Variants in DMRT2 observed in about 807,000 individuals in gnomAD.
The protein encoded by DMRT2 is doublesex- and mab-3-related transcription factor 2.
A neutral mutation model predicts 43.5 loss-of-function variants in DMRT2; 33 were observed. The observed-to-expected ratio is 0.76, with a 90% CI of 0.58 to 1.01. DMRT2 has a LOEUF of 1.01. Among genes scored for constraint, DMRT2 ranks in the 50% least tolerant of loss-of-function variants. The pLI is 0.00. For missense variants in DMRT2, 1,064 were observed against 748.0 expected (o/e 1.42, Z -4.93); for synonymous variants, 395 against 309.2 (o/e 1.28, Z -2.91).
chr9:1,053,271 C>T (rs1586734633), intron 2 of DMRT2, among the ~76,000 whole-genome samples: 1 of 152,134 alleles, frequency 6.6e-6, no homozygotes, highest in African/African-American at 2.4e-5. Context: ...GCCTGCCCTG[C>T]CACAGGGAGA....
Position 1,057,470 on chromosome 9 carries a change from C to A in DMRT2, c.*197C>A. ...ATTTAAACTTACAGATGGAAATTGC[C>A]CAATGTGCAAATTGTTAAGTACCAC... On this transcript the variant is annotated 3_prime_UTR_variant, in exon 4 of 4. Transcript: ENST00000358146. 1 of 596,360 alleles carries A rather than the reference C, an allele frequency of 1.7e-6. No individual in the cohort carries two copies. Among genetic ancestry groups the A allele is most frequent in the Non-Finnish European group, 2.8e-6 (1 of 358,384 alleles). The allele number at this position is 596,360 out of a possible 1,614,324, so 36.9% of individuals were successfully genotyped here.
rs760360224 is a variant in DMRT2, at chr9:1,056,567, G to C, written c.980G>C (p.Ser327Thr). ...ATGGAACTAATTTCTTCTAATGTCA[G>C]CGTGGCCACAACTTATAGACAGTAT... The part of the protein sequence containing the change: ...GNMELISSNV[S>T]VATTYRQYPL... The change falls in exon 4 of 4, where the codon AGC (serine) becomes ACC (threonine). Residue 327 changes from serine to threonine, a missense_variant. Coordinates refer to ENST00000358146, the MANE Select transcript of DMRT2 (RefSeq NM_181872.6). The C allele has an allele frequency of 1.9e-6, 3 of 1,614,190 alleles. No homozygotes were observed. The highest frequency in any genetic ancestry group is 4.5e-5 in the East Asian group (2 of 44,878).
chr9:1,057,245 C>A lies in DMRT2; in HGVS notation c.1658C>A (p.Ser553Ter). The change falls in exon 4 of 4, where the codon TCA (serine) becomes TAA (stop). Residue 553 changes from serine to a stop codon, truncating the protein, a stop_gained. Coordinates refer to ENST00000358146, the MANE Select transcript of DMRT2 (RefSeq NM_181872.6). LOFTEE classifies it high-confidence loss of function. ...FSVESILKRP[S>*]SAITRVSQ ...GTTGAGTCTATTCTTAAGAGGCCTT[C>A]ATCTGCCATCACTCGTGTCTCTCAG... 1 of 1,612,280 alleles carries A rather than the reference C, an allele frequency of 6.2e-7. No homozygotes were observed. Among genetic ancestry groups the A allele is most frequent in the Non-Finnish European group, 8.5e-7 (1 of 1,179,302 alleles).
Position 1,051,661 on chromosome 9 carries a change from T to A in DMRT2, c.48T>A (p.Asp16Glu). ...CCGCGGCCGGGGACTGGGAGATCGA[T>A]GTCGAGAGCCTGGAGCTGGAAGAGG... The part of the protein sequence containing the change: ...AGSAAGDWEI[D>E]VESLELEEDV... The change falls in exon 2 of 4, where the codon GAT becomes GAA. Residue 16 changes from aspartate (D) to glutamate (E), a missense_variant. Transcript: ENST00000358146. This position sits in a 1 kb window ranked among gnomAD's most constrained non-coding sequence, Gnocchi z 5.9. The A allele has an allele frequency of 6.4e-7, 1 of 1,571,054 alleles. No homozygotes were observed.
chr9:1,057,502 C>T lies in DMRT2; in HGVS notation c.*229C>T, dbSNP rs1822090050. The T allele has an allele frequency of 4.2e-6, 2 of 470,718 alleles. No homozygotes were observed. Among genetic ancestry groups the T allele is most frequent in the East Asian group, 6.8e-5 (2 of 29,302 alleles). 29.2% of individuals were successfully genotyped at this position (470,718 alleles called of 1,614,324 possible). A position where few individuals can be genotyped will look rare whatever the true frequency, so the allele number is the denominator to read the frequency against. ...GCAAATTGTTAAGTACCACACTTTACACAGCATTTCAAAAAGCAATAAAAT... is the reference window on the plus strand; with the variant it reads ...GCAAATTGTTAAGTACCACACTTTATACAGCATTTCAAAAAGCAATAAAAT... On this transcript the variant is annotated 3_prime_UTR_variant, in exon 4 of 4. Coordinates refer to ENST00000358146, the MANE Select transcript of DMRT2 (RefSeq NM_181872.6).
chr9:1,054,987 T>A (rs1191190069), intron 3 of DMRT2, among the ~76,000 whole-genome samples: 2 of 152,230 alleles, frequency 1.3e-5, no homozygotes, highest in Non-Finnish European at 2.9e-5. Context: ...TCCTATCATG[T>A]GTTGTATACT....
chr9:1,056,900 C>T lies in DMRT2; in HGVS notation c.1313C>T (p.Pro438Leu), dbSNP rs777782068. The T allele has an allele frequency of 4.3e-6, 7 of 1,613,998 alleles. No homozygotes were observed. In the South Asian group the frequency reaches 7.7e-5, roughly 18 times the overall value. ...TCCCCACCCCGACGGAATTTCTCTC[C>T]CATTGTTGACACGGACTCCCTGGCA... ...AFSPPRRNFS[P>L]IVDTDSLAAQ... Residue 438 changes from proline to leucine, a missense_variant, in exon 4 of 4, where the codon CCC becomes CTC. Pro to Leu is a moderately conservative substitution (Grantham distance 98). Coordinates refer to ENST00000358146, the MANE Select transcript of DMRT2 (RefSeq NM_181872.6).
At position 1,056,792 on chromosome 9, in the gene DMRT2, T is replaced by C; in HGVS notation, c.1205T>C (p.Leu402Pro). 6.2e-7 allele frequency: 1 copy of C among 1,614,146 alleles called. No individual in the cohort carries two copies. The highest frequency in any genetic ancestry group is 8.5e-7 in the Non-Finnish European group (1 of 1,180,030). Residue 402 changes from leucine (L) to proline (P), a missense_variant, in exon 4 of 4, where the codon CTG (leucine) becomes CCG (proline). Leu to Pro is a moderately conservative substitution (Grantham distance 98). Coordinates refer to ENST00000358146, the MANE Select transcript of DMRT2 (RefSeq NM_181872.6). ...DMMPSKLEGS[L>P]VLPHTPEIQT... ...ATGCCATCGAAATTGGAAGGTTCCC[T>C]GGTGCTGCCTCACACTCCTGAGATC... is the stretch of plus-strand genomic sequence containing the variant.
chr9:1,051,636 C>A lies in DMRT2; in HGVS notation c.23C>A (p.Ser8Tyr). Residue 8 changes from serine to tyrosine, a missense_variant, in exon 2 of 4, where the codon TCC becomes TAC. Coordinates refer to ENST00000358146, the MANE Select transcript of DMRT2 (RefSeq NM_181872.6). This position sits in a 1 kb window ranked among gnomAD's most constrained non-coding sequence, Gnocchi z 5.9. ...GCCATGGCCGACCCGCAGGCTGGCTCCGCGGCCGGGGACTGGGAGATCGAT... is the reference window on the plus strand; with the variant it reads ...GCCATGGCCGACCCGCAGGCTGGCTACGCGGCCGGGGACTGGGAGATCGAT... The part of the protein sequence containing the change: MADPQAG[S>Y]AAGDWEIDVE... 6.4e-7 allele frequency: 1 copy of A among 1,563,960 alleles called. No individual in the cohort carries two copies. The highest frequency in any genetic ancestry group is 1.1e-5 in the South Asian group (1 of 87,066).
intron 3 of DMRT2, 85 bp from the exon 4 acceptor site, chr9:1,056,131 G>A (rs1349967736): frequency 1.3e-6 from 2 of 1,524,368 alleles, no homozygotes; most frequent in Admixed American, 4.5e-5. Flanking sequence ...CTGCTGATCT[G>A]TAGTGTTGCT....
chr9:1,052,305 G>T (rs966831403), intron 2 of DMRT2, among the ~76,000 whole-genome samples, 167 bp downstream of exon 2: 4 of 152,146 alleles, frequency 2.6e-5, no homozygotes, highest in Non-Finnish European at 4.4e-5. Context: ...GAGCAGGGTC[G>T]GGAGGGAAAA....
At chr9:1,053,518 A>T (rs1258259053) in intron 2 of DMRT2, among the ~76,000 whole-genome samples, 1 of 152,180 alleles carries the variant, frequency 6.6e-6, no homozygotes, top group Non-Finnish European at 1.5e-5. Flanking sequence ...GATCCAGCTC[A>T]CCAGCTGAGG....
At position 1,057,204 on chromosome 9, in the gene DMRT2, A is replaced by G. The variant is rs4741029; in HGVS notation, c.1617A>G (p.Glu539=). The part of the protein sequence containing the change: ...KQVGTKLSVN[E]PLSFSVESIL... Reference sequence around the variant, plus strand: ...TTGGAACAAAACTCTCGGTGAATGAACCACTGTCATTTTCTGTTGAGTCTA... The same window carrying G: ...TTGGAACAAAACTCTCGGTGAATGAGCCACTGTCATTTTCTGTTGAGTCTA... The change falls in exon 4 of 4, where the codon GAA becomes GAG. Residue 539 remains glutamate, a synonymous_variant. Transcript: ENST00000358146. The G allele has an allele frequency of 0.087, 140,199 of 1,613,818 alleles. 13,012 individuals carry two copies. Among genetic ancestry groups the G allele is most frequent in the African/African-American group, 0.47 (35,182 of 74,900 alleles).
At chr9:1,056,083 A>T in intron 3 of DMRT2, 133 bp from the exon 4 acceptor site, 1 of 1,480,630 alleles carries the variant, frequency 6.8e-7, no homozygotes, top group Non-Finnish European at 8.9e-7. Context: ...TTGCATCTGT[A>T]TAAAAATATC....
rs537457583 is a variant in DMRT2 at position 1,057,096 on chromosome 9, C to G, written c.1509C>G (p.His503Gln). 6.2e-7 allele frequency: 1 copy of G among 1,614,122 alleles called. No homozygotes were observed. Among genetic ancestry groups the G allele is most frequent in the Non-Finnish European group, 8.5e-7 (1 of 1,180,034 alleles). ...CCTTTGAAGAGACCCCTAAGAAACA[C>G]AGAGAGTGTTTAGTTAAGGACAACC... ...KEAFEETPKK[H>Q]RECLVKDNQK... Residue 503 changes from histidine to glutamine, a missense_variant, in exon 4 of 4, where the codon CAC (histidine) becomes CAG (glutamine). Physicochemically the swap from His to Gln is conservative, Grantham distance 24 (BLOSUM62 0). Transcript: ENST00000358146.
chr9:1,051,904 C>G lies in DMRT2; in HGVS notation c.291C>G (p.Ala97=). 2 of 1,361,760 alleles carry G rather than the reference C, an allele frequency of 1.5e-6. No individual in the cohort carries two copies. Among genetic ancestry groups the G allele is most frequent in the East Asian group, 3.1e-5 (1 of 32,394 alleles). The allele number at this position is 1,361,760 out of a possible 1,614,324, so 84.4% of individuals were successfully genotyped here. ...CGCTCGCGCCTCAGGCCTCACCCGC[C>G]GGCACCGGTCCCCGAGAGCGCTGCA... ...RPPLAPQASP[A]GTGPRERCTP... Residue 97 remains alanine (A), a synonymous_variant, in exon 2 of 4, where the codon GCC becomes GCG. Coordinates refer to ENST00000358146, the MANE Select transcript of DMRT2 (RefSeq NM_181872.6). This position sits in a 1 kb window ranked among gnomAD's most constrained non-coding sequence, Gnocchi z 5.9.
In DMRT2 at chr9:1,051,778, G is replaced by A; in HGVS notation, c.165G>A (p.Val55=). The change falls in exon 2 of 4, where the codon GTG becomes GTA. Residue 55 remains valine, a synonymous_variant. Transcript: ENST00000358146. This position sits in a 1 kb window ranked among gnomAD's most constrained non-coding sequence, Gnocchi z 5.9. ...AGGACGACGAAGATGACGACGGGGT[G>A]GACGAAGACGCGGAAGAAGAGGGCG... ...DCEDDEDDDG[V]DEDAEEEGDG... is the part of the protein sequence containing the mutation. 6.6e-7 allele frequency: 1 copy of A among 1,516,478 alleles called. No individual in the cohort carries two copies. Among genetic ancestry groups the A allele is most frequent in the South Asian group, 1.2e-5 (1 of 81,764 alleles). The allele number at this position is 1,516,478 out of a possible 1,614,324, so 93.9% of individuals were successfully genotyped here. A position where few individuals can be genotyped will look rare whatever the true frequency, so the allele number is the denominator to read the frequency against.
chr9:1,055,646 C>T (rs1405869651), intron 3 of DMRT2: 16 of 1,334,626 alleles, frequency 1.2e-5, no homozygotes, highest in Middle Eastern at 2.3e-4. Context: ...CTATGCTTCT[C>T]TATTTTCTTA....
chr9:1,055,492 G>A (rs767470357), intron 3 of DMRT2, among the ~76,000 whole-genome samples: 7 of 152,100 alleles, frequency 4.6e-5, no homozygotes, highest in Non-Finnish European at 8.8e-5. Flanking sequence ...AGTTATTTTC[G>A]ATAGAGCAGG....
Sources: allele counts gnomAD v4.1 joint callset (sites outside exome capture counted in the v4.1 genomes callset), GRCh38; gene constraint gnomAD v4.1.1; non-coding constraint Gnocchi (gnomAD v3.1); transcripts MANE v1.5; gene names NCBI Gene and HGNC (gene_info 2026-07-23, HGNC 2026-07-21).